Variants in CACNB2 observed in about 807,000 individuals in gnomAD.
CACNB2 encodes the protein calcium voltage-gated channel auxiliary subunit beta 2, also known as voltage-dependent L-type calcium channel subunit beta-2.
Under a neutral mutation model 73.3 loss-of-function variants are expected in CACNB2, and 42 were observed. The observed-to-expected ratio is 0.57, with a 90% CI of 0.45 to 0.74. The LOEUF is 0.74. CACNB2 is among the 30% of genes least tolerant of loss of function. The probability of loss-of-function intolerance (pLI) is 0.00; values close to 1 mark genes in which losing one functional copy is unlikely to be tolerated. For synonymous variants in CACNB2, 348 were observed against 310.3 expected (o/e 1.12, Z -1.28); for missense variants, 940 against 853.0 (o/e 1.10, Z -1.27).
intron 10 of CACNB2, among the ~76,000 whole-genome samples, chr10:18,532,687 A>T (rs2053162411): frequency 1.7e-5 from 1 of 58,748 alleles, no homozygotes; most frequent in Non-Finnish European, 3.6e-5. Flanking sequence ...AAAAAAAAAA[A>T]AAAAAAAAAC....
rs60831514 is a variant in CACNB2 at position 18,508,539 on chromosome 10, A to T, written c.670+1992A>T. ...AAAAAGACTATGTCACCTTGCGATA[A>T]AGCAGCAGTTCTGCCTGCAAATGTC... On this transcript the variant is annotated intron_variant, in intron 6 of 13. Transcript: ENST00000324631. Among the ~76,000 whole-genome samples the T allele has an allele frequency of 9.6e-3, 1,459 of 152,278 alleles. 27 individuals are homozygous for T. The highest frequency in any genetic ancestry group is 0.032 in the African/African-American group (1,324 of 41,566).
chr10:18,191,006 G>A (rs919809276), intron 2 of CACNB2, among the ~76,000 whole-genome samples: 9 of 152,332 alleles, frequency 5.9e-5, no homozygotes, highest in Admixed American at 2.6e-4. Flanking sequence ...CATGGGAAAC[G>A]CGCAAGCTGT....
At chr10:18,337,654 C>T (rs2041061316) in intron 2 of CACNB2, among the ~76,000 whole-genome samples, 2 of 152,058 alleles carry the variant, frequency 1.3e-5, no homozygotes, top group African/African-American at 4.8e-5. Flanking sequence ...TTGCCCCTTC[C>T]CCTCACTAAC....
chr10:18,515,097 A>C, intron 7 of CACNB2: 1 of 1,377,510 alleles, frequency 7.3e-7, no homozygotes, highest in Non-Finnish European at 1.0e-6. Flanking sequence ...TGCCTTCTCC[A>C]TCAGTCAGAT....
intron 2 of CACNB2, among the ~76,000 whole-genome samples, chr10:18,195,882 CTCT>C (rs1436969644): frequency 1.3e-5 from 2 of 152,176 alleles, no homozygotes; most frequent in African/African-American, 2.4e-5. Context: ...ACAGAGCATA[CTCT>C]TCTTTGTTTC....
At chr10:18,431,168 C>T (rs77212700) in intron 3 of CACNB2, among the ~76,000 whole-genome samples, 8,633 of 151,902 alleles carry the variant, frequency 0.057, 243 homozygotes, top group East Asian at 0.098. Flanking sequence ...GTTTTTGTAG[C>T]GATGGGGTCT....
At chr10:18,236,311 G>T (rs571324395) in intron 2 of CACNB2, among the ~76,000 whole-genome samples, 1 of 152,314 alleles carries the variant, frequency 6.6e-6, no homozygotes, top group South Asian at 2.1e-4. Flanking sequence ...ACGATCGGCT[G>T]CTACAGTACC....
intron 3 of CACNB2, among the ~76,000 whole-genome samples, chr10:18,414,254 A>T (rs1456941435): frequency 6.6e-6 from 1 of 152,186 alleles, no homozygotes; most frequent in African/African-American, 2.4e-5. Flanking sequence ...ATGGGTGCAG[A>T]TCTCTGCCTG....
intron 2 of CACNB2, among the ~76,000 whole-genome samples, chr10:18,217,620 T>G (rs762319008): frequency 1.3e-5 from 2 of 149,782 alleles, no homozygotes; most frequent in Non-Finnish European, 3.0e-5. Flanking sequence ...AGCAGGGAGG[T>G]CAAGATGGTC....
intron 2 of CACNB2, among the ~76,000 whole-genome samples, chr10:18,312,605 C>G (rs1485750313): frequency 6.6e-6 from 1 of 152,102 alleles, no homozygotes; most frequent in Admixed American, 6.5e-5. Flanking sequence ...TGTGGGGTGG[C>G]AGGATGCAGG....
chr10:18,328,257 G>T (rs369670093), intron 2 of CACNB2, among the ~76,000 whole-genome samples: 2 of 152,268 alleles, frequency 1.3e-5, no homozygotes, highest in East Asian at 3.9e-4. Flanking sequence ...AATCATCTGG[G>T]GAACTTTAAA....
chr10:18,290,815 C>G (rs1308638408), intron 2 of CACNB2, among the ~76,000 whole-genome samples: 1 of 152,216 alleles, frequency 6.6e-6, no homozygotes. Context: ...TCAACTCACA[C>G]TAATCACTAC....
chr10:18,304,937 G>A (rs992190783), intron 2 of CACNB2, among the ~76,000 whole-genome samples: 5 of 152,078 alleles, frequency 3.3e-5, no homozygotes, highest in Non-Finnish European at 7.4e-5. Context: ...ATTATTCTTG[G>A]AATAAGATGT....
At chr10:18,401,850 C>T (rs2044012707) in intron 2 of CACNB2, 74 bp from the exon 3 acceptor site, 1 of 1,446,960 alleles carries the variant, frequency 6.9e-7, no homozygotes, top group Non-Finnish European at 9.7e-7. Flanking sequence ...AAGCTAACTG[C>T]TGTGTCGATG....
At chr10:18,417,360 C>CTTT (rs34847923) in intron 3 of CACNB2, among the ~76,000 whole-genome samples, 71 of 87,006 alleles carry the variant, frequency 8.2e-4, no homozygotes, top group African/African-American at 2.4e-3. Flanking sequence ...GCTAAAAATT[C>CTTT]TTTTTTTTTT....
chr10:18,284,183 A>C (rs1368458076), intron 2 of CACNB2, among the ~76,000 whole-genome samples: 1 of 152,256 alleles, frequency 6.6e-6, no homozygotes, highest in East Asian at 1.9e-4. Flanking sequence ...GAGCAAAGTC[A>C]CGTCTTACGT....
At position 18,144,345 on chromosome 10, in the gene CACNB2, G is replaced by A. The variant is rs2030744865; in HGVS notation, c.120+3489G>A. Among the ~76,000 whole-genome samples the A allele has an allele frequency of 2.0e-5, 3 of 152,370 alleles. No individual in the cohort carries two copies. In the South Asian group the frequency reaches 6.2e-4, roughly 32 times the overall value. ...TCTGCCCGCCTTGGCCTCCCAAAGT[G>A]CTGGGATTACAGGCGTGCGCCACCA... On this transcript the variant is annotated intron_variant, in intron 1 of 13. Coordinates refer to ENST00000324631, the MANE Select transcript of CACNB2 (RefSeq NM_201596.3).
chr10:18,280,841 A>G lies in CACNB2; in HGVS notation c.214-121083A>G, dbSNP rs910245661. 5.9e-5 allele frequency among the ~76,000 whole-genome samples: 9 copies of G among 152,324 alleles called. No homozygotes were observed. In the East Asian group the frequency reaches 1.7e-3, roughly 29 times the overall value. On this transcript the variant is annotated intron_variant, in intron 2 of 13. Coordinates refer to ENST00000324631, the MANE Select transcript of CACNB2 (RefSeq NM_201596.3). The stretch of plus-strand genomic sequence containing the variant: ...GATCACACAAAAGGTACATCATAAA[A>G]ACCAAGCAGTGGCCCAGGGGCAGGA...
intron 2 of CACNB2, among the ~76,000 whole-genome samples, chr10:18,286,382 G>T (rs1427832851): frequency 1.3e-5 from 2 of 151,894 alleles, no homozygotes; most frequent in Admixed American, 1.3e-4. Context: ...GCCAGGCGCG[G>T]TGGCGGGCGC....
Sources: allele counts gnomAD v4.1 joint callset (sites outside exome capture counted in the v4.1 genomes callset), GRCh38; gene constraint gnomAD v4.1.1; transcripts MANE v1.5; gene names NCBI Gene and HGNC (gene_info 2026-07-23, HGNC 2026-07-21).